Variants in SETD1B observed in about 807,000 individuals in gnomAD.
SETD1B encodes the protein SET domain containing 1B, histone lysine methyltransferase.
Under a neutral mutation model 148.0 loss-of-function variants are expected in SETD1B, and 7 were observed. That is an observed-to-expected ratio of 0.05 (90% confidence interval 0.03 to 0.09). The LOEUF (loss-of-function observed/expected upper bound fraction) is 0.09, where lower values mean the gene tolerates loss of function less well. SETD1B is among the 10% of genes least tolerant of loss of function. The probability of loss-of-function intolerance (pLI) is 1.00; values close to 1 mark genes in which losing one functional copy is unlikely to be tolerated. For missense variants in SETD1B, 2,155 were observed against 2,729.9 expected (o/e 0.79, Z 4.69); for synonymous variants, 1,361 against 1,186.5 (o/e 1.15, Z -3.02).
In SETD1B at chr12:121,805,133, C is replaced by G; in HGVS notation, c.190C>G (p.Pro64Ala). Residue 64 changes from proline (P) to alanine (A), a missense_variant, in exon 3 of 17, where the codon CCG becomes GCG. By Grantham distance (27) the Pro-to-Ala change is conservative. This residue lies in a region of SETD1B where 124 missense variants were observed against 282.9 expected (regional missense o/e 0.44). Coordinates refer to ENST00000604567, the MANE Select transcript of SETD1B (RefSeq NM_001353345.2). This position sits in a 1 kb window ranked among gnomAD's most constrained non-coding sequence, Gnocchi z 4.2. ...CTCCCCACAGATGTCCAGCAACCGC[C>G]CGGTGGAAATTGTCGAAGATCCCCG... ...HFSLAMSSNR[P>A]VEIVEDPRVV... 6.4e-7 allele frequency: 1 copy of G among 1,551,696 alleles called. No homozygotes were observed. The highest frequency in any genetic ancestry group is 8.7e-7 in the Non-Finnish European group (1 of 1,146,972).
rs1216266798 is a variant in SETD1B at position 121,804,715 on chromosome 12, G to A, written c.-14-9G>A. Reference sequence around the variant, plus strand: ...GCGGCGGAGACGACAACAACTTGCTGGTTTTCAGGTTGGGTTAACGGCATG... The same window carrying A: ...GCGGCGGAGACGACAACAACTTGCTAGTTTTCAGGTTGGGTTAACGGCATG... On this transcript the variant is annotated splice_polypyrimidine_tract_variant and intron_variant, in intron 1 of 16. Coordinates refer to ENST00000604567, the MANE Select transcript of SETD1B (RefSeq NM_001353345.2). The surrounding 1 kb of genome is among the most constrained non-coding windows in gnomAD (Gnocchi z 4.6). 3.9e-6 allele frequency: 6 copies of A among 1,547,000 alleles called. No individual in the cohort carries two copies. Among genetic ancestry groups the A allele is most frequent in the Non-Finnish European group, 5.2e-6 (6 of 1,146,014 alleles).
At position 121,810,302 on chromosome 12, in the gene SETD1B, G is replaced by A. The variant is rs745866672; in HGVS notation, c.1357G>A (p.Gly453Ser). ...CAAGGAGAAGCCAGGCACGCCACCC[G>A]GCCCGCCGCCCCCCGACACCAACAG... ...LAKEKPGTPP[G>S]PPPPDTNSME... The change falls in exon 6 of 17, where the codon GGC (glycine) becomes AGC (serine). Residue 453 changes from glycine to serine, a missense_variant. Transcript: ENST00000604567. The surrounding 1 kb of genome is among the most constrained non-coding windows in gnomAD (Gnocchi z 7.6). 1.0e-5 allele frequency: 16 copies of A among 1,542,992 alleles called. No individual in the cohort carries two copies. The highest frequency in any genetic ancestry group is 9.8e-5 in the East Asian group (4 of 40,848).
chr12:121,803,808 GCCTTCCC>G (rs2137538449), upstream of SETD1B: 1 of 152,294 alleles, frequency 6.6e-6, no homozygotes, highest in South Asian at 2.0e-4. The surrounding 1 kb of genome is among the most constrained non-coding windows in gnomAD (Gnocchi z 4.7). Flanking sequence ...AAATTAAAAG[GCCTTCCC>G]CCGGGGAGGG....
intron 13 of SETD1B, among the ~76,000 whole-genome samples, chr12:121,825,888 C>T (rs751854663): frequency 2.1e-4 from 32 of 152,056 alleles, no homozygotes; most frequent in Non-Finnish European, 3.4e-4. Context: ...TCAAGTAATT[C>T]GCCTGCCTTG....
upstream of SETD1B, chr12:121,801,069 G>A (rs1038910483): frequency 2.0e-5 from 3 of 152,228 alleles, no homozygotes; most frequent in Non-Finnish European, 4.4e-5. Context: ...GCAGCTCCGG[G>A]CTGCGGGCGG....
chr12:121,814,933 G>T lies in SETD1B; in HGVS notation c.2715+3G>T. 6.5e-7 allele frequency: 1 copy of T among 1,538,016 alleles called. No homozygotes were observed. Among genetic ancestry groups the T allele is most frequent in the South Asian group, 1.2e-5 (1 of 82,900 alleles). ...ACAAGAAGGAGCGGATGGCCAAGGT[G>T]GGTGGGTGGGTGCAGGGCTCTGCAG... On this transcript the variant is annotated splice_donor_region_variant and intron_variant, in intron 7 of 16. Transcript: ENST00000604567.
the SETD1B span, among the ~76,000 whole-genome samples, chr12:121,791,404 G>C: frequency 1.3e-5 from 2 of 152,250 alleles, no homozygotes; most frequent in East Asian, 3.9e-4. Flanking sequence ...GACAGATCAG[G>C]AAACTGAGGC....
Position 121,827,507 on chromosome 12 carries a change from C to T in SETD1B, c.5338-12C>T, listed in dbSNP as rs375755615. The stretch of plus-strand genomic sequence containing the variant: ...GCCAGCTCCGCTGAGCCCCGCACAC[C>T]GTCCACTGCAGGGCATGAGCATCCC... On this transcript the variant is annotated splice_polypyrimidine_tract_variant and intron_variant, in intron 13 of 16. Transcript: ENST00000604567. 149 of 1,526,494 alleles carry T rather than the reference C, an allele frequency of 9.8e-5. No homozygotes were observed. In the African/African-American group the frequency reaches 1.2e-3, roughly 12 times the overall value. The allele number at this position is 1,526,494 out of a possible 1,614,324, so 94.6% of individuals were successfully genotyped here.
chr12:121,800,256 C>T (rs1052209372), upstream of SETD1B: 1 of 152,178 alleles, frequency 6.6e-6, no homozygotes, highest in Non-Finnish European at 1.5e-5. Context: ...CTCCGCTTTC[C>T]CAGGCTTCCC....
chr12:121,819,934 G>C (rs948802515), intron 11 of SETD1B, 39 bp downstream of exon 11: 2 of 1,504,236 alleles, frequency 1.3e-6, no homozygotes, highest in Non-Finnish European at 9.0e-7. Context: ...GTGGGAGGGA[G>C]GCAGGAAGTC....
chr12:121,796,611 G>A, the SETD1B span, among the ~76,000 whole-genome samples: 1 of 152,222 alleles, frequency 6.6e-6, no homozygotes, highest in African/African-American at 2.4e-5. Flanking sequence ...GAGCTGGCCT[G>A]GCAAATACAT....
At chr12:121,793,984 A>G in the SETD1B span, 1 of 209,054 alleles carries the variant, frequency 4.8e-6, no homozygotes, top group South Asian at 1.3e-4. Context: ...CCTGATTAGC[A>G]GGCTCCGCCT....
In SETD1B at chr12:121,810,278, A is replaced by G. The variant is rs558470422; in HGVS notation, c.1333A>G (p.Lys445Glu). ...CCTGCCACCTGCTGAGCCTCTGGCC[A>G]AGGAGAAGCCAGGCACGCCACCCGG... ...PPLPPAEPLAKEKPGTPPGPP... is the reference protein window; with the variant it reads ...PPLPPAEPLAEEKPGTPPGPP... Residue 445 changes from lysine to glutamate, a missense_variant, in exon 6 of 17, where the codon AAG becomes GAG. Around this residue, in one of 11 missense-constraint regions of SETD1B, gnomAD observed 376 missense variants for 385.0 expected, o/e 0.98. Coordinates refer to ENST00000604567, the MANE Select transcript of SETD1B (RefSeq NM_001353345.2). This position sits in a 1 kb window ranked among gnomAD's most constrained non-coding sequence, Gnocchi z 7.6. 1 of 1,544,344 alleles carries G rather than the reference A, an allele frequency of 6.5e-7. No homozygotes were observed. The highest frequency in any genetic ancestry group is 2.0e-5 in the Admixed American group (1 of 50,976).
In SETD1B at chr12:121,823,337, T is replaced by TCCCC; in HGVS notation, c.4762_4765dup (p.Gln1589ProfsTer20). The TCCCC allele has an allele frequency of 1.2e-6, 1 of 809,488 alleles. No individual in the cohort carries two copies. Among genetic ancestry groups the TCCCC allele is most frequent in the African/African-American group, 2.3e-5 (1 of 43,670 alleles). 50.1% of individuals were successfully genotyped at this position (809,488 alleles called of 1,614,324 possible). ...GGATCCCAGCCCCTCCACCACCCCT[T>TCCCC]CCCCCCCAGCCACCCCCACCCCCAC... is the stretch of plus-strand genomic sequence containing the variant. On this transcript the variant is annotated frameshift_variant, in exon 12 of 17. Transcript: ENST00000604567. LOFTEE classifies it high-confidence loss of function.
chr12:121,827,468 C>A (rs975831812), intron 13 of SETD1B, 51 bp from the exon 14 acceptor site: 3 of 1,481,942 alleles, frequency 2.0e-6, no homozygotes, highest in Non-Finnish European at 2.7e-6. Flanking sequence ...TAGGGTGGGA[C>A]CGCCGAGGAC....
At chr12:121,793,562 G>T in the SETD1B span, 1 of 1,551,898 alleles carries the variant, frequency 6.4e-7, no homozygotes, top group African/African-American at 1.4e-5. Flanking sequence ...CGTCGCCCAC[G>T]ATCACGATCT....
intron 13 of SETD1B, among the ~76,000 whole-genome samples, chr12:121,826,374 C>G (rs981288991): frequency 6.6e-6 from 1 of 152,120 alleles, no homozygotes; most frequent in Non-Finnish European, 1.5e-5. Context: ...TGTGGGAAGG[C>G]GCCATGTGGA....
intron 6 of SETD1B, among the ~76,000 whole-genome samples, chr12:121,811,295 C>T (rs979769206): frequency 6.6e-6 from 1 of 152,062 alleles, no homozygotes; most frequent in African/African-American, 2.4e-5. Context: ...CTGTGCTGGG[C>T]TAAGTGGGGT....
At chr12:121,828,198 G>A in intron 16 of SETD1B, 128 bp downstream of exon 16, 2 of 1,237,506 alleles carry the variant, frequency 1.6e-6, no homozygotes, top group Non-Finnish European at 2.2e-6. Context: ...GGTTGGCCAA[G>A]GGTTATAGGG....
Sources: gnomAD v4.1 joint callset for allele counts (sites outside exome capture counted in the v4.1 genomes callset) on GRCh38, gnomAD v4.1.1 for gene constraint, gnomAD v4.1.1 regional missense constraint, Gnocchi (gnomAD v3.1) non-coding constraint, MANE v1.5 for transcripts, NCBI Gene and HGNC (gene_info 2026-07-23, HGNC 2026-07-21) for gene names.